CELSR1: variants seen among roughly 807,000 people sequenced by gnomAD.
CELSR1 encodes adhesion G protein-coupled receptor C1.
Under a neutral mutation model 249.1 loss-of-function variants are expected in CELSR1, and 110 were observed. The observed-to-expected ratio is 0.44, with a 90% CI of 0.38 to 0.52. CELSR1 has a LOEUF of 0.52. Among genes scored for constraint, CELSR1 ranks in the 20% least tolerant of loss-of-function variants. CELSR1 has a pLI of 0.00. For missense variants in CELSR1, 4,109 were observed against 4,296.4 expected (o/e 0.96, Z 1.22); for synonymous variants, 2,113 against 1,900.0 (o/e 1.11, Z -2.92).
At chr22:46,503,678 G>A (rs2080487295) in intron 1 of CELSR1, among the ~76,000 whole-genome samples, 1 of 152,230 alleles carries the variant, frequency 6.6e-6, no homozygotes. Context: ...AAGAAGTTAA[G>A]CAAGTTGTCC....
chr22:46,460,178 A>AACACACACACAC (rs544352270), intron 2 of CELSR1, among the ~76,000 whole-genome samples: 13 of 102,944 alleles, frequency 1.3e-4, no homozygotes, highest in African/African-American at 4.5e-4. Flanking sequence ...TCAGTCTCAA[A>AACACACACACAC]ACACACACAC....
chr22:46,370,279 C>T (rs2078837593), intron 25 of CELSR1: 2 of 379,528 alleles, frequency 5.3e-6, no homozygotes, highest in Non-Finnish European at 1.1e-5. Flanking sequence ...GCATATACCC[C>T]CATACCACAT....
chr22:46,434,559 T>G lies in CELSR1; in HGVS notation c.4523-1078A>C, dbSNP rs572877357. Among the ~76,000 whole-genome samples the G allele has an allele frequency of 2.0e-4, 31 of 152,308 alleles. No homozygotes were observed. Among genetic ancestry groups the G allele is most frequent in the Admixed American group, 1.2e-3 (18 of 15,300 alleles). On this transcript the variant is annotated intron_variant, in intron 4 of 34. Coordinates refer to ENST00000674500, the MANE Select transcript of CELSR1 (RefSeq NM_001378328.1). The surrounding 1 kb of genome is among the most constrained non-coding windows in gnomAD (Gnocchi z 4.9). Reference sequence around the variant, plus strand: ...GTTACAGGTGCCTCCCTTTCTTTATTGAGTATAGAAAACAAAGCTCCATCC... The same window carrying G: ...GTTACAGGTGCCTCCCTTTCTTTATGGAGTATAGAAAACAAAGCTCCATCC...
At chr22:46,485,332 T>C (rs1006594530) in intron 1 of CELSR1, among the ~76,000 whole-genome samples, 3 of 152,152 alleles carry the variant, frequency 2.0e-5, no homozygotes, top group African/African-American at 4.8e-5. Context: ...ATCCTGACCT[T>C]GGCTCGGGTT....
At chr22:46,514,349 G>A (rs930108133) in intron 1 of CELSR1, among the ~76,000 whole-genome samples, 3 of 152,274 alleles carry the variant, frequency 2.0e-5, no homozygotes, top group Admixed American at 6.5e-5. Context: ...CCTCAACTGC[G>A]GGCCTATGTG....
At chr22:46,509,296 T>A (rs1408469062) in intron 1 of CELSR1, among the ~76,000 whole-genome samples, 2 of 152,160 alleles carry the variant, frequency 1.3e-5, no homozygotes, top group Non-Finnish European at 2.9e-5. Context: ...AAGGCAGCTC[T>A]CATCACGGCT....
chr22:46,509,987 G>A (rs923045794), intron 1 of CELSR1, among the ~76,000 whole-genome samples: 4 of 152,168 alleles, frequency 2.6e-5, no homozygotes, highest in Non-Finnish European at 2.9e-5. Flanking sequence ...GCCACATCTG[G>A]CCACAGGGCT....
intron 1 of CELSR1, among the ~76,000 whole-genome samples, chr22:46,519,150 G>A (rs2080659533): frequency 6.6e-6 from 1 of 152,132 alleles, no homozygotes; most frequent in Non-Finnish European, 1.5e-5. Flanking sequence ...CACGGGTTGG[G>A]GCTGCCAGAG....
Position 46,410,947 on chromosome 22 carries a change from A to G in CELSR1, c.4770-386T>C, listed in dbSNP as rs986455709. Among the ~76,000 whole-genome samples, 1 of 151,978 alleles carries G rather than the reference A, an allele frequency of 6.6e-6. No homozygotes were observed. Among genetic ancestry groups the G allele is most frequent in the Non-Finnish European group, 1.5e-5 (1 of 68,000 alleles). ...GGGCCTTGAAAGGAGGCCAGAAGAA[A>G]ATGAGAACCCAGCACTTTGGGAGGC... On this transcript the variant is annotated intron_variant, in intron 6 of 34. Transcript: ENST00000674500. This position sits in a 1 kb window ranked among gnomAD's most constrained non-coding sequence, Gnocchi z 6.8.
At position 46,474,461 on chromosome 22, in the gene CELSR1, C is replaced by A. The variant is rs1476398544; in HGVS notation, c.3545-10116G>T. Reference sequence around the variant, plus strand: ...GCACCCCCGGCGGCCAGCACCCACCCCAACCCTGCCCCAGTGTCTGGTCCC... The same window carrying A: ...GCACCCCCGGCGGCCAGCACCCACCACAACCCTGCCCCAGTGTCTGGTCCC... On this transcript the variant is annotated intron_variant, in intron 1 of 34. Transcript: ENST00000674500. Among the ~76,000 whole-genome samples the A allele has an allele frequency of 2.6e-5, 4 of 152,254 alleles. No homozygotes were observed. In the East Asian group the frequency reaches 7.7e-4, roughly 29 times the overall value.
rs549492081 is a variant in CELSR1 at position 46,512,249 on chromosome 22, A to G, written c.3544+21378T>C. The stretch of plus-strand genomic sequence containing the variant: ...TGCAGAGGAGGACCAAGAAGCACTC[A>G]GGGACTGAGGTGTCAGCCCCCAAAT... On this transcript the variant is annotated intron_variant, in intron 1 of 34. Transcript: ENST00000674500. This position sits in a 1 kb window ranked among gnomAD's most constrained non-coding sequence, Gnocchi z 5.2. Among the ~76,000 whole-genome samples, 5 of 150,164 alleles carry G rather than the reference A, an allele frequency of 3.3e-5. No individual in the cohort carries two copies. The highest frequency in any genetic ancestry group is 1.3e-4 in the African/African-American group (5 of 39,570).
chr22:46,389,188 T>C, intron 18 of CELSR1, 102 bp downstream of exon 18: 1 of 1,283,714 alleles, frequency 7.8e-7, no homozygotes. Flanking sequence ...GACACAACCG[T>C]CTTCCACGAA....
At chr22:46,520,250 T>C (rs5768877) in intron 1 of CELSR1, among the ~76,000 whole-genome samples, 108,322 of 151,890 alleles carry the variant, frequency 0.71, 39,741 homozygotes, top group East Asian at 0.93. Context: ...AGCCCCGAGC[T>C]CAGAAGGAGG....
At position 46,374,399 on chromosome 22, in the gene CELSR1, G is replaced by T. The variant is rs567993301; in HGVS notation, c.7585-1342C>A. Among the ~76,000 whole-genome samples the T allele has an allele frequency of 1.3e-5, 2 of 152,292 alleles. No individual in the cohort carries two copies. Among genetic ancestry groups the T allele is most frequent in the South Asian group, 2.1e-4 (1 of 4,826 alleles). On this transcript the variant is annotated intron_variant, in intron 24 of 34. Transcript: ENST00000674500. The surrounding 1 kb of genome is among the most constrained non-coding windows in gnomAD (Gnocchi z 4.3). ...CAATGTACCACCTTTTCCAGAAATAGAACAAAGACAAAAGCGGATGCATAA... is the reference window on the plus strand; with the variant it reads ...CAATGTACCACCTTTTCCAGAAATATAACAAAGACAAAAGCGGATGCATAA...
At position 46,506,268 on chromosome 22, in the gene CELSR1, A is replaced by C. The variant is rs895231532; in HGVS notation, c.3544+27359T>G. 1.3e-5 allele frequency among the ~76,000 whole-genome samples: 2 copies of C among 151,728 alleles called. No individual in the cohort carries two copies. Among genetic ancestry groups the C allele is most frequent in the African/African-American group, 4.8e-5 (2 of 41,312 alleles). ...TGGGTTCTGGATGGACATGCAGAGCACCCGCCATGATCCCTCCAAGCCTGG... is the reference window on the plus strand; with the variant it reads ...TGGGTTCTGGATGGACATGCAGAGCCCCCGCCATGATCCCTCCAAGCCTGG... On this transcript the variant is annotated intron_variant, in intron 1 of 34. Transcript: ENST00000674500. This position sits in a 1 kb window ranked among gnomAD's most constrained non-coding sequence, Gnocchi z 4.1.
At chr22:46,424,880 A>C (rs964916014) in intron 5 of CELSR1, among the ~76,000 whole-genome samples, 4 of 152,240 alleles carry the variant, frequency 2.6e-5, no homozygotes, top group Non-Finnish European at 5.9e-5. Context: ...CCGAGGCAGG[A>C]GAATCACTTG....
At position 46,389,507 on chromosome 22, in the gene CELSR1, A is replaced by C; in HGVS notation, c.6346-8T>G. On this transcript the variant is annotated splice_polypyrimidine_tract_variant and splice_region_variant and intron_variant, in intron 17 of 34. Coordinates refer to ENST00000674500, the MANE Select transcript of CELSR1 (RefSeq NM_001378328.1). ...GCGGCTCAGCTTCTCATTCTGGAAC[A>C]GGGAGGCAGTCGTGATGTGTGCAAA... is the stretch of plus-strand genomic sequence containing the variant. The C allele has an allele frequency of 1.2e-6, 2 of 1,613,018 alleles. No individual in the cohort carries two copies. Among genetic ancestry groups the C allele is most frequent in the Admixed American group, 1.7e-5 (1 of 60,018 alleles).
chr22:46,454,366 C>A lies in CELSR1; in HGVS notation c.4183+9341G>T, dbSNP rs993262181. 6.6e-6 allele frequency among the ~76,000 whole-genome samples: 1 copy of A among 152,160 alleles called. No individual in the cohort carries two copies. Among genetic ancestry groups the A allele is most frequent in the Non-Finnish European group, 1.5e-5 (1 of 68,032 alleles). On this transcript the variant is annotated intron_variant, in intron 2 of 34. Transcript: ENST00000674500. This position sits in a 1 kb window ranked among gnomAD's most constrained non-coding sequence, Gnocchi z 5.1. ...GGAGACTCGTGCAGGGGTGAGCGAG[C>A]GTGCCCAGCCCTGCTGTCACGGAGC... is the stretch of plus-strand genomic sequence containing the variant.
intron 1 of CELSR1, among the ~76,000 whole-genome samples, chr22:46,483,807 C>T (rs1241745004): frequency 5.9e-5 from 9 of 152,168 alleles, no homozygotes; most frequent in Non-Finnish European, 1.3e-4. Flanking sequence ...AGAGTGAGGC[C>T]TGCAGTCTCC....
Sources: allele counts gnomAD v4.1 joint callset (sites outside exome capture counted in the v4.1 genomes callset), GRCh38; gene constraint gnomAD v4.1.1; non-coding constraint Gnocchi (gnomAD v3.1); transcripts MANE v1.5; gene names NCBI Gene and HGNC (gene_info 2026-07-23, HGNC 2026-07-21).